Variants in SLC12A6 observed in about 807,000 individuals in gnomAD.
The protein encoded by SLC12A6 is solute carrier family 12 member 6.
In SLC12A6, 66 loss-of-function variants were observed where a neutral mutation model predicts 135.3. That is an observed-to-expected ratio of 0.49 (90% confidence interval 0.40 to 0.60). SLC12A6 has a LOEUF of 0.60. SLC12A6 is among the 20% of genes least tolerant of loss of function. The pLI is 0.00. For missense variants in SLC12A6, 1,058 were observed against 1,452.3 expected (o/e 0.73, Z 4.41); for synonymous variants, 513 against 508.8 (o/e 1.01, Z -0.11).
chr15:34,322,172 G>A (rs1566870429), intron 2 of SLC12A6, among the ~76,000 whole-genome samples: 1 of 152,112 alleles, frequency 6.6e-6, no homozygotes, highest in Non-Finnish European at 1.5e-5. Flanking sequence ...GATCACCCGA[G>A]GTCAGTTCGA....
At chr15:34,262,004 T>C (rs1474531251) in intron 3 of SLC12A6, among the ~76,000 whole-genome samples, 1 of 150,400 alleles carries the variant, frequency 6.6e-6, no homozygotes, top group Non-Finnish European at 1.5e-5. Flanking sequence ...ACTGGGTATA[T>C]ACCCAAAGGA....
chr15:34,264,036 T>A, intron 3 of SLC12A6, among the ~76,000 whole-genome samples: 1 of 152,076 alleles, frequency 6.6e-6, no homozygotes, highest in East Asian at 1.9e-4. Context: ...TAAGCAATCA[T>A]CTTGCCTTTC....
intron 21 of SLC12A6, 54 bp downstream of exon 21, chr15:34,238,178 G>A (rs1202467580): frequency 5.6e-6 from 7 of 1,255,728 alleles, no homozygotes; most frequent in Non-Finnish European, 8.2e-6. Flanking sequence ...TCTGTCCTGT[G>A]AACCAGGACA....
In SLC12A6 at chr15:34,320,922, CAATAA is replaced by C. The variant is rs61190764; in HGVS notation, c.271+15483_271+15487del. ...AGACTCGTCTCAAAAAAAATAAATA[CAATAA>C]AATAAAATAAAATAAAATAAAGGAA... is the stretch of plus-strand genomic sequence containing the variant. On this transcript the variant is annotated intron_variant, in intron 2 of 25. Transcript: ENST00000354181. Among the ~76,000 whole-genome samples the C allele has an allele frequency of 2.5e-3, 377 of 151,082 alleles. 3 individuals are homozygous for C. Among genetic ancestry groups the C allele is most frequent in the African/African-American group, 8.5e-3 (352 of 41,198 alleles).
intron 3 of SLC12A6, among the ~76,000 whole-genome samples, chr15:34,265,289 T>C (rs910659908): frequency 2.0e-5 from 3 of 151,962 alleles, no homozygotes; most frequent in African/African-American, 7.3e-5. Flanking sequence ...TACTGGATAC[T>C]GTTCTGGGTC....
chr15:34,306,389 T>A (rs1896615998), intron 2 of SLC12A6, among the ~76,000 whole-genome samples: 1 of 152,182 alleles, frequency 6.6e-6, no homozygotes, highest in South Asian at 2.1e-4. Context: ...TTTCCTTTTC[T>A]CCTTCCCTCC....
intron 2 of SLC12A6, among the ~76,000 whole-genome samples, chr15:34,312,986 TC>T (rs1888367928): frequency 6.6e-6 from 1 of 152,220 alleles, no homozygotes; most frequent in Non-Finnish European, 1.5e-5. Context: ...TTCTGACCAC[TC>T]CATCAACCAG....
intron 2 of SLC12A6, among the ~76,000 whole-genome samples, chr15:34,321,832 T>C (rs1252248483): frequency 6.6e-6 from 1 of 152,216 alleles, no homozygotes. Flanking sequence ...CTCAAAAACA[T>C]TACGGCTAGG....
At chr15:34,309,240 G>T (rs8023674) in intron 2 of SLC12A6, among the ~76,000 whole-genome samples, 3,043 of 152,190 alleles carry the variant, frequency 0.02, 96 homozygotes, top group African/African-American at 0.07. Flanking sequence ...AAATTTACCA[G>T]CTTATAATCA....
chr15:34,337,114 T>C (rs568371652), intron 1 of SLC12A6: 49 of 290,898 alleles, frequency 1.7e-4, no homozygotes, highest in Non-Finnish European at 2.9e-4. Flanking sequence ...ACGGTTCTAG[T>C]TGGGCGAAGT....
At chr15:34,286,960 T>A (rs1175599882) in intron 2 of SLC12A6, among the ~76,000 whole-genome samples, 2 of 151,790 alleles carry the variant, frequency 1.3e-5, no homozygotes, top group Admixed American at 6.6e-5. Context: ...AAAAAGCCAA[T>A]GAGGAAGCAA....
chr15:34,318,524 T>C (rs1158940707), intron 2 of SLC12A6: 1 of 1,546,902 alleles, frequency 6.5e-7, no homozygotes, highest in East Asian at 2.2e-5. Context: ...CATGAAACAT[T>C]TTATAGGTTC....
intron 2 of SLC12A6, among the ~76,000 whole-genome samples, chr15:34,285,716 GT>G (rs1895018168): frequency 4.0e-5 from 1 of 25,066 alleles, no homozygotes; most frequent in African/African-American, 1.0e-4. Flanking sequence ...GTGTGTGTTT[GT>G]CATACATAAA....
Position 34,238,367 on chromosome 15 carries a change from T to C in SLC12A6, c.2667A>G (p.Ala889=), listed in dbSNP as rs774250539. 22 of 1,613,960 alleles carry C rather than the reference T, an allele frequency of 1.4e-5. No homozygotes were observed. The highest frequency in any genetic ancestry group is 1.8e-5 in the Non-Finnish European group (21 of 1,179,840). The change falls in exon 21 of 26, where the codon GCA becomes GCG. Residue 889 remains alanine, a synonymous_variant. Coordinates refer to ENST00000354181, the MANE Select transcript of SLC12A6 (RefSeq NM_001365088.1). The stretch of plus-strand genomic sequence containing the variant: ...AGGAGATGTTTTTAGCCACCAGCAG[T>C]GCAAGATGGGCAGCAGTTGTCACTC... The part of the protein sequence containing the change: ...TVRVTTAAHL[A]LLVAKNISFF...
intron 9 of SLC12A6, among the ~76,000 whole-genome samples, chr15:34,252,800 G>C (rs1892485593): frequency 6.6e-6 from 1 of 152,220 alleles, no homozygotes; most frequent in South Asian, 2.1e-4. Context: ...AGGTCTAAAA[G>C]AATACTGAAG....
chr15:34,318,853 G>C, intron 2 of SLC12A6: 1 of 1,467,680 alleles, frequency 6.8e-7, no homozygotes, highest in South Asian at 1.3e-5. Context: ...TGAGGGAGTG[G>C]GGCGCTTGAA....
At chr15:34,249,821 T>G (rs1892261745) in intron 13 of SLC12A6, among the ~76,000 whole-genome samples, 1 of 150,722 alleles carries the variant, frequency 6.6e-6, no homozygotes, top group East Asian at 2.0e-4. Context: ...TGTATTTAAC[T>G]GTCTCATATA....
intron 2 of SLC12A6, among the ~76,000 whole-genome samples, chr15:34,291,362 G>C (rs754043613): frequency 3.9e-5 from 6 of 152,230 alleles, no homozygotes; most frequent in Non-Finnish European, 8.8e-5. Flanking sequence ...CTGTTAGTCT[G>C]ATGGGTTTCC....
chr15:34,280,086 T>C (rs974775955), intron 2 of SLC12A6, among the ~76,000 whole-genome samples: 18 of 152,358 alleles, frequency 1.2e-4, no homozygotes, highest in African/African-American at 4.1e-4. Flanking sequence ...CTGAAGAGCT[T>C]TATTATTTTC....
Sources: allele counts gnomAD v4.1 joint callset (sites outside exome capture counted in the v4.1 genomes callset), GRCh38; gene constraint gnomAD v4.1.1; transcripts MANE v1.5; gene names NCBI Gene and HGNC (gene_info 2026-07-23, HGNC 2026-07-21).